The following ACSM2B variants were observed in gnomAD, a reference collection of about 807,000 sequenced individuals.
ACSM2B encodes acyl-coenzyme A synthetase ACSM2B, mitochondrial.
In ACSM2B, 58 loss-of-function variants were observed where a neutral mutation model predicts 78.6. The ratio of observed to expected loss-of-function variants is 0.74; its 90% CI spans 0.60 to 0.92. The LOEUF (loss-of-function observed/expected upper bound fraction) is 0.92, where lower values mean the gene tolerates loss of function less well. ACSM2B is among the 40% of genes least tolerant of loss of function. ACSM2B has a pLI of 0.00. For missense variants in ACSM2B, 688 were observed against 711.2 expected, an observed-to-expected ratio of 0.97 and a Z score of 0.37; for synonymous variants, 257 against 256.8, an observed-to-expected ratio of 1.00 and a Z score of -0.01.
intron 5 of ACSM2B, 77 bp downstream of exon 5, chr16:20,553,700 G>A (rs2015383736): frequency 1.3e-6 from 2 of 1,563,786 alleles, no homozygotes; most frequent in Admixed American, 1.8e-5. Context: ...CACAGCCCAG[G>A]AGCATTGGAT....
rs141915122 is a variant in ACSM2B at position 20,548,432 on chromosome 16, A to T, written c.936T>A (p.Pro312=). Residue 312 remains proline (P), a synonymous_variant, in exon 7 of 14, where the codon CCT becomes CCA. Coordinates refer to ENST00000329697, the MANE Select transcript of ACSM2B (RefSeq NM_001105069.2). ...GCTGTAGCAACATCCGGTAAACAAT[A>T]GGGGCACCCATCATACTCTTGATTG... The part of the protein sequence containing the change: ...SYPIKSMMGA[P]IVYRMLLQQD... 1 of 1,612,540 alleles carries T rather than the reference A, an allele frequency of 6.2e-7. No homozygotes were observed. Among genetic ancestry groups the T allele is most frequent in the Non-Finnish European group, 8.5e-7 (1 of 1,179,536 alleles).
intron 2 of ACSM2B, among the ~76,000 whole-genome samples, chr16:20,560,556 C>A (rs1477729625): frequency 1.3e-5 from 2 of 152,056 alleles, no homozygotes; most frequent in African/African-American, 4.8e-5. Context: ...GTACACTGTG[C>A]AGAACTTTGG....
In ACSM2B at chr16:20,567,141, A is replaced by G. The variant is rs2015922293; in HGVS notation, c.-8-2288T>C. 3.0e-5 allele frequency among the ~76,000 whole-genome samples: 4 copies of G among 135,504 alleles called. No homozygotes were observed. In the South Asian group the frequency reaches 6.4e-4, roughly 22 times the overall value. 88.9% of individuals were successfully genotyped at this position (135,504 alleles called of 152,430 possible). A position where few individuals can be genotyped will look rare whatever the true frequency, so the allele number is the denominator to read the frequency against. ...TATAGTATATATAGATATAGATATAATATATAGTATAATAAGATTATATAT... is the reference window on the plus strand; with the variant it reads ...TATAGTATATATAGATATAGATATAGTATATAGTATAATAAGATTATATAT... On this transcript the variant is annotated intron_variant, in intron 1 of 13. Transcript: ENST00000329697.
chr16:20,553,885 C>G lies in ACSM2B; in HGVS notation c.632G>C (p.Gly211Ala). The change falls in exon 5 of 14, where the codon GGA (glycine) becomes GCA (alanine). Residue 211 changes from glycine to alanine, a missense_variant. By Grantham distance (60) the Gly-to-Ala change is moderately conservative. Coordinates refer to ENST00000329697, the MANE Select transcript of ACSM2B (RefSeq NM_001105069.2). ...ASTTHHCVET[G>A]SQEASAIYFT... The stretch of plus-strand genomic sequence containing the variant: ...GTAGATGGCAGATGCTTCCTGGCTT[C>G]CAGTCTCCACACAGTGATGAGTGGT... 6.2e-7 allele frequency: 1 copy of G among 1,613,844 alleles called. No homozygotes were observed. The highest frequency in any genetic ancestry group is 8.5e-7 in the Non-Finnish European group (1 of 1,179,814).
rs1201586315 is a variant in ACSM2B at position 20,543,612 on chromosome 16, A to G, written c.1282-350T>C. ...TCTGTTCACTCCATAGCACCACTCA[A>G]AGCTATCATTTTGATTAGGTACTTT... On this transcript the variant is annotated intron_variant, in intron 10 of 13. Coordinates refer to ENST00000329697, the MANE Select transcript of ACSM2B (RefSeq NM_001105069.2). Among the ~76,000 whole-genome samples, 4 of 152,256 alleles carry G rather than the reference A, an allele frequency of 2.6e-5. No homozygotes were observed. The East Asian group carries it at 7.7e-4, about 29-fold the overall frequency.
At chr16:20,566,908 T>A (rs1187715526) in intron 1 of ACSM2B, among the ~76,000 whole-genome samples, 2 of 130,454 alleles carry the variant, frequency 1.5e-5, no homozygotes, top group Admixed American at 1.9e-4. Context: ...TTATATATAA[T>A]AGTATAGTTA....
intron 6 of ACSM2B, among the ~76,000 whole-genome samples, chr16:20,549,014 C>T (rs2015226983): frequency 6.6e-6 from 1 of 152,136 alleles, no homozygotes; most frequent in Admixed American, 6.5e-5. Context: ...GAATACTTGC[C>T]ATGTCCTGTG....
intron 2 of ACSM2B, among the ~76,000 whole-genome samples, chr16:20,563,021 C>A (rs930271596): frequency 2.6e-5 from 4 of 152,124 alleles, no homozygotes; most frequent in Non-Finnish European, 5.9e-5. Flanking sequence ...TCAGTAGCAC[C>A]CATTCCTTAG....
intron 12 of ACSM2B, chr16:20,542,649 G>C: frequency 2.1e-6 from 1 of 471,062 alleles, no homozygotes; most frequent in Non-Finnish European, 3.8e-6. Context: ...TGGTAGTTCT[G>C]TTTAGTTTTT....
chr16:20,562,842 T>A (rs2152143503), intron 2 of ACSM2B, among the ~76,000 whole-genome samples: 1 of 152,284 alleles, frequency 6.6e-6, no homozygotes, highest in South Asian at 2.1e-4. Context: ...AAGACTGACC[T>A]TTGAGATATT....
At chr16:20,540,988 T>G (rs1015306778) in intron 12 of ACSM2B, 3 of 526,254 alleles carry the variant, frequency 5.7e-6, no homozygotes, top group Non-Finnish European at 9.3e-6. Context: ...GACAATAGAT[T>G]GAGACCAGGC....
At chr16:20,566,909 A>G (rs1025201087) in intron 1 of ACSM2B, among the ~76,000 whole-genome samples, 5 of 130,462 alleles carry the variant, frequency 3.8e-5, no homozygotes, top group African/African-American at 1.4e-4. Flanking sequence ...TATATATAAT[A>G]GTATAGTTAT....
At chr16:20,545,073 G>C in intron 10 of ACSM2B, 84 bp downstream of exon 10, 2 of 1,466,094 alleles carry the variant, frequency 1.4e-6, no homozygotes, top group Non-Finnish European at 1.8e-6. Flanking sequence ...CCTCTTGGAA[G>C]TTTCAGAACA....
At chr16:20,561,210 T>G (rs2015645471) in intron 2 of ACSM2B, among the ~76,000 whole-genome samples, 1 of 152,034 alleles carries the variant, frequency 6.6e-6, no homozygotes, top group Admixed American at 6.5e-5. Flanking sequence ...TTCATTTATA[T>G]AAGGTACTAT....
chr16:20,545,000 T>G (rs1447929269), intron 10 of ACSM2B, among the ~76,000 whole-genome samples, 157 bp downstream of exon 10: 5 of 152,210 alleles, frequency 3.3e-5, no homozygotes, highest in Non-Finnish European at 5.9e-5. Context: ...AATAGCCACT[T>G]TTCTTCCACT....
At chr16:20,555,732 A>T (rs1261134538) in intron 3 of ACSM2B, among the ~76,000 whole-genome samples, 1 of 152,202 alleles carries the variant, frequency 6.6e-6, no homozygotes, top group Admixed American at 6.5e-5. Flanking sequence ...CACTGTTGAC[A>T]GTCTAAGACA....
intron 2 of ACSM2B, among the ~76,000 whole-genome samples, chr16:20,562,900 A>G (rs561082509): frequency 8.7e-4 from 132 of 152,206 alleles, no homozygotes; most frequent in African/African-American, 2.8e-3. Context: ...ACCTAGACCT[A>G]TGATTCTACA....
intron 2 of ACSM2B, among the ~76,000 whole-genome samples, chr16:20,562,873 GAAA>G (rs2015705196): frequency 6.6e-6 from 1 of 152,092 alleles, no homozygotes; most frequent in Non-Finnish European, 1.5e-5. Flanking sequence ...TTGCATTCTG[GAAA>G]ACTTACTGAC....
Position 20,564,768 on chromosome 16 carries a change from A to C in ACSM2B, c.78T>G (p.Asn26Lys). 6.2e-7 allele frequency: 1 copy of C among 1,613,452 alleles called. No individual in the cohort carries two copies. Among genetic ancestry groups the C allele is most frequent in the Non-Finnish European group, 8.5e-7 (1 of 1,179,680 alleles). ...TQMSSRTLYI[N>K]SRQLVSLQWG... ...ACTGCAGGGACACCAGTTGCCTACT[A>C]TTAATGTAGAGAGTGCGGCTGGACA... Residue 26 changes from asparagine to lysine, a missense_variant, in exon 2 of 14, where the codon AAT becomes AAG. Transcript: ENST00000329697.
Sources: allele counts gnomAD v4.1 joint callset (sites outside exome capture counted in the v4.1 genomes callset), GRCh38; gene constraint gnomAD v4.1.1; transcripts MANE v1.5; gene names NCBI Gene and HGNC (gene_info 2026-07-23, HGNC 2026-07-21).